The following SP140 variants were observed in gnomAD, a reference collection of about 807,000 sequenced individuals.
The protein encoded by SP140 is nuclear body protein SP140.
A neutral mutation model predicts 125.0 loss-of-function variants in SP140; 81 were observed. The ratio of observed to expected loss-of-function variants is 0.65; its 90% CI spans 0.54 to 0.78. SP140 has a LOEUF of 0.78. Ranked by LOEUF, SP140 falls within the 30% of genes least tolerant of loss-of-function variation. SP140 has a pLI of 0.00. For synonymous variants in SP140, 312 were observed against 354.0 expected, an observed-to-expected ratio of 0.88 and a Z score of 1.33; for missense variants, 858 against 1,037.0, an observed-to-expected ratio of 0.83 and a Z score of 2.37.
rs769123374 is a variant in SP140, at chr2:230,309,954, C to T, written c.2089C>T (p.Arg697Trp). The part of the protein sequence containing the change: ...MRNLDECEVC[R>W]DGGELFCCDT... ...AAACCTGGATGAGTGTGAGGTGTGC[C>T]GGGACGGAGGGGAGCTGTTCTGTTG... Residue 697 changes from arginine to tryptophan, a missense_variant, in exon 23 of 27, where the codon CGG becomes TGG. Around this residue, in one of 4 missense-constraint regions of SP140, gnomAD observed 791 missense variants for 869.5 expected, o/e 0.91. Transcript: ENST00000392045. The T allele has an allele frequency of 9.3e-6, 15 of 1,613,868 alleles. No individual in the cohort carries two copies. The highest frequency in any genetic ancestry group is 1.3e-5 in the African/African-American group (1 of 74,886).
intron 1 of SP140, among the ~76,000 whole-genome samples, chr2:230,209,425 T>A (rs1304785114): frequency 6.6e-6 from 1 of 152,038 alleles, no homozygotes; most frequent in Non-Finnish European, 1.5e-5. Flanking sequence ...AATTATTGGA[T>A]GATATTGATG....
At chr2:230,281,244 A>G (rs1359845248) in intron 15 of SP140, among the ~76,000 whole-genome samples, 2 of 152,232 alleles carry the variant, frequency 1.3e-5, no homozygotes, top group Admixed American at 6.5e-5. Flanking sequence ...TTAACATTGT[A>G]TCATTCCTGC....
At chr2:230,309,896 G>C (rs367553053) in intron 22 of SP140, 28 bp from the exon 23 acceptor site, 23 of 1,611,686 alleles carry the variant, frequency 1.4e-5, no homozygotes, top group Non-Finnish European at 2.0e-5. Flanking sequence ...GCGGTTCCCA[G>C]TGACGTGGAC....
At chr2:230,302,097 G>A (rs944986343) in intron 22 of SP140, among the ~76,000 whole-genome samples, 4 of 152,086 alleles carry the variant, frequency 2.6e-5, no homozygotes, top group Admixed American at 2.0e-4. Context: ...TCCTAAATAT[G>A]CACCTAACTG....
intron 1 of SP140, chr2:230,208,170 A>C: frequency 1.4e-6 from 1 of 694,070 alleles, no homozygotes; most frequent in Admixed American, 2.2e-5. Flanking sequence ...CTAGAAGTTC[A>C]TTGGTGACCT....
Position 230,284,361 on chromosome 2 carries a change from A to G in SP140, c.1514A>G (p.His505Arg). ...TGGTTTGAAGGAAAAAAGAGGGGGCATGGCTGGAGCAGAATGAGAATGAGA... is the reference window on the plus strand; with the variant it reads ...TGGTTTGAAGGAAAAAAGAGGGGGCGTGGCTGGAGCAGAATGAGAATGAGA... The part of the protein sequence containing the change: ...PKRKRRKKRG[H>R]GWSRMRMRRQ... The change falls in exon 16 of 27, where the codon CAT becomes CGT. Residue 505 changes from histidine (H) to arginine (R), a missense_variant. This residue lies in a region of SP140 where 791 missense variants were observed against 869.5 expected (regional missense o/e 0.91). Coordinates refer to ENST00000392045, the MANE Select transcript of SP140 (RefSeq NM_007237.5). The G allele has an allele frequency of 6.2e-7, 1 of 1,606,456 alleles. No homozygotes were observed. Among genetic ancestry groups the G allele is most frequent in the South Asian group, 1.1e-5 (1 of 89,636 alleles).
chr2:230,259,795 T>TATATATATATATATATATATATAC (rs1370331057), intron 12 of SP140, among the ~76,000 whole-genome samples: 18 of 111,510 alleles, frequency 1.6e-4, no homozygotes, highest in Non-Finnish European at 3.3e-4. Context: ...TATATATATA[T>TATATATATATATATATATATATAC]ACCACATACA....
At position 230,211,860 on chromosome 2, in the gene SP140, T is replaced by C. The variant is rs57334726; in HGVS notation, c.-322-1794T>C. Among the ~76,000 whole-genome samples, 9,868 of 152,226 alleles carry C rather than the reference T, an allele frequency of 0.065. 872 individuals are homozygous for C. The highest frequency in any genetic ancestry group is 0.2 in the African/African-American group (8,289 of 41,496). On this transcript the variant is annotated intron_variant, in intron 1 of 4. Transcript: ENST00000456542. This position sits in a 1 kb window ranked among gnomAD's most constrained non-coding sequence, Gnocchi z 4.2. Reference sequence around the variant, plus strand: ...TCAGTACTGGAGAGCTCAGAATCCATGGTATCATTTTTGACAATGCCCAAT... The same window carrying C: ...TCAGTACTGGAGAGCTCAGAATCCACGGTATCATTTTTGACAATGCCCAAT...
At chr2:230,313,614 C>T (rs1238906042), downstream of SP140, among the ~76,000 whole-genome samples, 2 of 152,238 alleles carry the variant, frequency 1.3e-5, no homozygotes, top group South Asian at 2.1e-4. Flanking sequence ...TGAGCGAACC[C>T]TCACCATCAA....
chr2:230,205,238 A>T (rs2043638264), intron 1 of SP140, among the ~76,000 whole-genome samples: 1 of 152,134 alleles, frequency 6.6e-6, no homozygotes, highest in Admixed American at 6.5e-5. Context: ...TTTCAAGTTA[A>T]ACTACAACAG....
chr2:230,315,753 C>A (rs13399920), downstream of SP140, among the ~76,000 whole-genome samples: 63,479 of 151,844 alleles, frequency 0.42, 13,540 homozygotes, highest in Middle Eastern at 0.49. Flanking sequence ...CTACAAAGAC[C>A]TGAAGGAGGC....
At chr2:230,196,270 C>T in the SP140 span, among the ~76,000 whole-genome samples, 60 of 152,142 alleles carry the variant, frequency 3.9e-4, no homozygotes, top group Non-Finnish European at 7.4e-4. Flanking sequence ...AACCTGATTT[C>T]TATTTTCATA....
intron 3 of SP140, among the ~76,000 whole-genome samples, chr2:230,214,381 G>A (rs1424525442): frequency 6.6e-6 from 1 of 152,092 alleles, no homozygotes; most frequent in African/African-American, 2.4e-5. Context: ...TTGGGCCCTG[G>A]TATTGGGAGA....
chr2:230,248,740 G>T, intron 8 of SP140, 145 bp from the exon 9 acceptor site: 1 of 640,506 alleles, frequency 1.6e-6, no homozygotes, highest in Non-Finnish European at 2.8e-6. Flanking sequence ...CAGAGAAGGA[G>T]AAAGAGGAGC....
chr2:230,290,489 G>A lies in SP140; in HGVS notation c.1750G>A (p.Asp584Asn). 6.2e-7 allele frequency: 1 copy of A among 1,613,792 alleles called. No homozygotes were observed. Among genetic ancestry groups the A allele is most frequent in the Non-Finnish European group, 8.5e-7 (1 of 1,179,926 alleles). ...AAGAAAGCACAAAGATGAAACTGTG[G>A]ATTTTAAGGCTCCTTTGCTTCCAGT... The part of the protein sequence containing the change: ...ASRKHKDETV[D>N]FKAPLLPVTC... Residue 584 changes from aspartate to asparagine, a missense_variant, in exon 19 of 27, where the codon GAT becomes AAT. This residue lies in a region of SP140 where 791 missense variants were observed against 869.5 expected (regional missense o/e 0.91). Coordinates refer to ENST00000392045, the MANE Select transcript of SP140 (RefSeq NM_007237.5).
At chr2:230,252,899 A>T (rs890533890) in intron 10 of SP140, among the ~76,000 whole-genome samples, 2 of 152,100 alleles carry the variant, frequency 1.3e-5, no homozygotes, top group African/African-American at 4.8e-5. Flanking sequence ...TGAACCAGGG[A>T]TCAATGTAAG....
At chr2:230,266,041 G>A (rs1469469775) in intron 12 of SP140, among the ~76,000 whole-genome samples, 1 of 152,098 alleles carries the variant, frequency 6.6e-6, no homozygotes, top group Non-Finnish European at 1.5e-5. Flanking sequence ...CCATGAGAAT[G>A]GCCCCAAGAT....
chr2:230,292,225 T>A (rs62191204), intron 19 of SP140, among the ~76,000 whole-genome samples: 5,312 of 152,320 alleles, frequency 0.035, 136 homozygotes, highest in Non-Finnish European at 0.051. Flanking sequence ...GGCACCCATC[T>A]GAGACCGTAG....
At chr2:230,240,939 AATTTATAGAGTATAAT>A (rs1160697410) in intron 3 of SP140, among the ~76,000 whole-genome samples, 1 of 152,192 alleles carries the variant, frequency 6.6e-6, no homozygotes, top group Non-Finnish European at 1.5e-5. Context: ...AACTATGACT[AATTTATAGAGTATAAT>A]ACTATTCAGC....
Sources: allele counts gnomAD v4.1 joint callset (sites outside exome capture counted in the v4.1 genomes callset), GRCh38; gene constraint gnomAD v4.1.1; regional missense constraint gnomAD v4.1.1; non-coding constraint Gnocchi (gnomAD v3.1); transcripts MANE v1.5; gene names NCBI Gene and HGNC (gene_info 2026-07-23, HGNC 2026-07-21).